The following C12orf54 variants were observed in gnomAD, a reference collection of about 807,000 sequenced individuals.
C12orf54 encodes chromosome 12 open reading frame 54.
In C12orf54, 24 loss-of-function variants were observed where a neutral mutation model predicts 26.4. The ratio of observed to expected loss-of-function variants is 0.91; its 90% CI spans 0.66 to 1.28. The LOEUF is 1.28. C12orf54 is among the 50% of genes most tolerant of loss of function. The probability of loss-of-function intolerance (pLI) is 0.00; values close to 1 mark genes in which losing one functional copy is unlikely to be tolerated. For synonymous variants in C12orf54, 54 were observed against 47.0 expected, an observed-to-expected ratio of 1.15 and a Z score of -0.61; for missense variants, 154 against 150.9, an observed-to-expected ratio of 1.02 and a Z score of -0.11.
the C12orf54 span, among the ~76,000 whole-genome samples, chr12:48,434,602 A>G: frequency 6.6e-6 from 1 of 152,226 alleles, no homozygotes; most frequent in African/African-American, 2.4e-5. Context: ...TTTGCGGTTC[A>G]CCAATATCCA....
At chr12:48,484,471 G>A (rs1426786457) in intron 2 of C12orf54, among the ~76,000 whole-genome samples, 1 of 152,222 alleles carries the variant, frequency 6.6e-6, no homozygotes, top group Non-Finnish European at 1.5e-5. Context: ...TGGCCTTTCT[G>A]CCAATGAAGA....
In C12orf54 at chr12:48,483,277, T is replaced by C. The variant is rs887139428; in HGVS notation, c.-20T>C. The C allele has an allele frequency of 6.2e-7, 1 of 1,612,898 alleles. No individual in the cohort carries two copies. Among genetic ancestry groups the C allele is most frequent in the African/African-American group, 1.3e-5 (1 of 74,868 alleles). ...TCTCCATCTTCAGCTCCAGAGTCCT[T>C]GGTTTCTGTCTGAGAACAAATGGCA... is the stretch of plus-strand genomic sequence containing the variant. On this transcript the variant is annotated 5_prime_UTR_variant, in exon 2 of 9. Transcript: ENST00000548364.
chr12:48,464,191 C>T, the C12orf54 span, among the ~76,000 whole-genome samples: 1 of 151,974 alleles, frequency 6.6e-6, no homozygotes, highest in African/African-American at 2.4e-5. Flanking sequence ...TAGTCTTGGC[C>T]CAAAAGCTCC....
intron 1 of C12orf54, 40 bp from the exon 2 acceptor site, chr12:48,483,200 T>G: frequency 2.8e-6 from 3 of 1,057,332 alleles, no homozygotes; most frequent in African/African-American, 1.6e-5. Context: ...CTTCTCACCA[T>G]GTACCTGCCT....
the C12orf54 span, among the ~76,000 whole-genome samples, chr12:48,424,398 G>T: frequency 1.3e-5 from 2 of 152,012 alleles, no homozygotes; most frequent in Non-Finnish European, 2.9e-5. Flanking sequence ...GGAAAATTTG[G>T]TTTATAATTA....
chr12:48,478,497 C>T (rs1167261998), upstream of C12orf54, among the ~76,000 whole-genome samples: 3 of 152,162 alleles, frequency 2.0e-5, no homozygotes, highest in Admixed American at 6.5e-5. Flanking sequence ...ATCTAGAAAA[C>T]CCCATCATCT....
chr12:48,472,932 C>T, the C12orf54 span: 8 of 1,614,022 alleles, frequency 5.0e-6, no homozygotes, highest in African/African-American at 5.3e-5. Flanking sequence ...GTGTCCAAAC[C>T]TCATACATCT....
At chr12:48,447,759 A>G in the C12orf54 span, among the ~76,000 whole-genome samples, 2 of 152,200 alleles carry the variant, frequency 1.3e-5, no homozygotes, top group African/African-American at 2.4e-5. Flanking sequence ...GATTTTGCAG[A>G]TGTCATTAAA....
At chr12:48,444,642 G>T in the C12orf54 span, among the ~76,000 whole-genome samples, 1 of 151,960 alleles carries the variant, frequency 6.6e-6, no homozygotes, top group Admixed American at 6.6e-5. Flanking sequence ...TTTTTAACCC[G>T]CTGCTGCAAT....
the C12orf54 span, among the ~76,000 whole-genome samples, chr12:48,419,306 C>G: frequency 6.6e-6 from 1 of 152,146 alleles, no homozygotes; most frequent in Non-Finnish European, 1.5e-5. Flanking sequence ...CTTACTAGCT[C>G]TATGATCTTT....
intron 7 of C12orf54, among the ~76,000 whole-genome samples, chr12:48,494,314 C>G (rs1307577116): frequency 6.6e-6 from 1 of 151,972 alleles, no homozygotes; most frequent in Non-Finnish European, 1.5e-5. Context: ...GAATTTGTCC[C>G]TATCTCAGAA....
chr12:48,432,305 A>G, the C12orf54 span, among the ~76,000 whole-genome samples: 1 of 152,248 alleles, frequency 6.6e-6, no homozygotes, highest in Admixed American at 6.5e-5. Context: ...AAACAACCGT[A>G]GTCCTCAATA....
At chr12:48,452,892 G>C in the C12orf54 span, among the ~76,000 whole-genome samples, 1 of 152,154 alleles carries the variant, frequency 6.6e-6, no homozygotes, top group East Asian at 1.9e-4. Context: ...CCGTTGGTGG[G>C]AGTGTAAATT....
At chr12:48,461,547 A>T in the C12orf54 span, among the ~76,000 whole-genome samples, 3 of 151,938 alleles carry the variant, frequency 2.0e-5, no homozygotes, top group Non-Finnish European at 4.4e-5. Flanking sequence ...TTATCTGATT[A>T]TTAAGCAATT....
At chr12:48,476,377 T>A in the C12orf54 span, among the ~76,000 whole-genome samples, 1 of 152,046 alleles carries the variant, frequency 6.6e-6, no homozygotes, top group East Asian at 1.9e-4. Flanking sequence ...AATGACAGGA[T>A]CAAATTCACA....
the C12orf54 span, among the ~76,000 whole-genome samples, chr12:48,432,786 T>C: frequency 6.6e-6 from 1 of 151,894 alleles, no homozygotes; most frequent in Admixed American, 6.6e-5. Context: ...GGAAAATCGC[T>C]TGAACTCAGG....
the C12orf54 span, among the ~76,000 whole-genome samples, chr12:48,469,868 T>A: frequency 6.6e-6 from 1 of 152,252 alleles, no homozygotes; most frequent in South Asian, 2.1e-4. Flanking sequence ...ACTCTAGTTG[T>A]CCCCAACATC....
chr12:48,442,222 G>C, the C12orf54 span: 3 of 203,926 alleles, frequency 1.5e-5, no homozygotes, highest in Non-Finnish European at 3.2e-5. Flanking sequence ...CTGCAGTGAG[G>C]TGGGAGGAGC....
At chr12:48,440,000 G>A in the C12orf54 span, among the ~76,000 whole-genome samples, 1 of 152,162 alleles carries the variant, frequency 6.6e-6, no homozygotes. Flanking sequence ...TGATGTGCGT[G>A]GATGGCCTGA....
Sources: gnomAD v4.1 joint callset for allele counts (sites outside exome capture counted in the v4.1 genomes callset) on GRCh38, gnomAD v4.1.1 for gene constraint, MANE v1.5 for transcripts, NCBI Gene and HGNC (gene_info 2026-07-23, HGNC 2026-07-21) for gene names.